Variants in CNTN4 observed in about 807,000 individuals in gnomAD.
The protein encoded by CNTN4 is contactin 4, also known as contactin-4.
Under a neutral mutation model 122.5 loss-of-function variants are expected in CNTN4, and 77 were observed. The observed-to-expected ratio is 0.63, with a 90% CI of 0.52 to 0.76. The LOEUF is 0.76. Among genes scored for constraint, CNTN4 ranks in the 30% least tolerant of loss-of-function variants. CNTN4 has a pLI of 0.00. For synonymous variants in CNTN4, 512 were observed against 447.0 expected, an observed-to-expected ratio of 1.15 and a Z score of -1.83; for missense variants, 1,256 against 1,259.1, an observed-to-expected ratio of 1.00 and a Z score of 0.04.
chr3:2,437,767 A>G (rs1393506340), intron 3 of CNTN4, among the ~76,000 whole-genome samples: 2 of 152,208 alleles, frequency 1.3e-5, no homozygotes, highest in Non-Finnish European at 2.9e-5. Flanking sequence ...GTGAAGCGTA[A>G]TCGCCAATAT....
chr3:2,305,097 T>G (rs1353702625), intron 2 of CNTN4, among the ~76,000 whole-genome samples: 1 of 152,148 alleles, frequency 6.6e-6, no homozygotes, highest in East Asian at 1.9e-4. Context: ...ATTCATTTTA[T>G]GCTCAGAGCT....
In CNTN4 at chr3:2,463,207, T is replaced by A. The variant is rs116276524; in HGVS notation, c.-88-108209T>A. Reference sequence around the variant, plus strand: ...GCTGTTATCTACTAAATGGGCTTTTTAAAAAAAAAAAACACTTGACTTTAA... The same window carrying A: ...GCTGTTATCTACTAAATGGGCTTTTAAAAAAAAAAAAACACTTGACTTTAA... On this transcript the variant is annotated intron_variant, in intron 3 of 24. Coordinates refer to ENST00000418658, the MANE Select transcript of CNTN4 (RefSeq NM_175607.3). Among the ~76,000 whole-genome samples, 155 of 145,700 alleles carry A rather than the reference T, an allele frequency of 1.1e-3. 1 individual carries two copies. Among genetic ancestry groups the A allele is most frequent in the African/African-American group, 3.4e-3 (135 of 39,852 alleles).
chr3:2,898,824 T>C (rs1203620805), intron 10 of CNTN4, among the ~76,000 whole-genome samples: 2 of 152,176 alleles, frequency 1.3e-5, no homozygotes, highest in African/African-American at 4.8e-5. Context: ...ATGGACTCTG[T>C]AGGGGTCAAT....
At chr3:2,212,650 G>A (rs1003765046) in intron 2 of CNTN4, among the ~76,000 whole-genome samples, 1 of 152,170 alleles carries the variant, frequency 6.6e-6, no homozygotes, top group Non-Finnish European at 1.5e-5. Context: ...GATTTGGATA[G>A]GGACACAGCC....
chr3:2,774,248 G>A (rs999733713), intron 6 of CNTN4, among the ~76,000 whole-genome samples: 7 of 151,846 alleles, frequency 4.6e-5, no homozygotes, highest in South Asian at 4.2e-4. Context: ...GTGACAGAGC[G>A]AGACTCCATC....
chr3:2,121,199 T>C (rs2125208192), intron 2 of CNTN4, among the ~76,000 whole-genome samples: 1 of 152,052 alleles, frequency 6.6e-6, no homozygotes, highest in South Asian at 2.1e-4. Flanking sequence ...CAGCACTGGA[T>C]ATGGTGAATA....
intron 2 of CNTN4, among the ~76,000 whole-genome samples, chr3:2,257,412 A>C (rs987220191): frequency 2.0e-5 from 3 of 152,154 alleles, no homozygotes; most frequent in East Asian, 1.9e-4. Flanking sequence ...CCAAAAGCAA[A>C]GGCAACAAAA....
chr3:2,719,459 T>G (rs1178108170), intron 4 of CNTN4, among the ~76,000 whole-genome samples: 1 of 152,178 alleles, frequency 6.6e-6, no homozygotes, highest in African/African-American at 2.4e-5. Flanking sequence ...CATGCCCAGC[T>G]GATTTTTTAG....
At chr3:2,135,792 C>G (rs138496959) in intron 2 of CNTN4, among the ~76,000 whole-genome samples, 4 of 152,110 alleles carry the variant, frequency 2.6e-5, no homozygotes, top group Non-Finnish European at 5.9e-5. Context: ...AATGGGGTTA[C>G]CATAAGTATG....
At chr3:3,008,494 G>A (rs1471709091) in intron 14 of CNTN4, among the ~76,000 whole-genome samples, 1 of 152,246 alleles carries the variant, frequency 6.6e-6, no homozygotes, top group Non-Finnish European at 1.5e-5. Context: ...TGATGGGGAA[G>A]AGTAAAATAT....
chr3:2,905,711 A>G (rs776990434), intron 12 of CNTN4, among the ~76,000 whole-genome samples: 7 of 152,248 alleles, frequency 4.6e-5, no homozygotes, highest in Non-Finnish European at 8.8e-5. Context: ...TCATCAAATT[A>G]TTTAGGCCAA....
intron 8 of CNTN4, among the ~76,000 whole-genome samples, chr3:2,881,515 GA>G (rs1245876383): frequency 0.23 from 24,877 of 107,670 alleles, 2,976 homozygotes; most frequent in Non-Finnish European, 0.28. Flanking sequence ...TCAGTCTCAA[GA>G]AAAAAAAAAA....
At chr3:2,109,269 G>T (rs182562671) in intron 2 of CNTN4, among the ~76,000 whole-genome samples, 1 of 152,004 alleles carries the variant, frequency 6.6e-6, no homozygotes, top group Non-Finnish European at 1.5e-5. Context: ...TAAAAGTGGC[G>T]CATTTGGGGG....
chr3:2,427,562 G>C (rs1365084766), intron 3 of CNTN4, among the ~76,000 whole-genome samples: 1 of 152,200 alleles, frequency 6.6e-6, no homozygotes, highest in African/African-American at 2.4e-5. Context: ...ATTTGGGGTG[G>C]AGAGTTCTGT....
intron 14 of CNTN4, among the ~76,000 whole-genome samples, chr3:2,994,490 C>T (rs896204651): frequency 6.6e-6 from 1 of 151,646 alleles, no homozygotes; most frequent in African/African-American, 2.4e-5. Context: ...CGAAAAGGTT[C>T]CTGTGGTTTA....
At chr3:2,540,425 G>C (rs1445536966) in intron 3 of CNTN4, among the ~76,000 whole-genome samples, 1 of 152,044 alleles carries the variant, frequency 6.6e-6, no homozygotes, top group Admixed American at 6.6e-5. Context: ...CCGACTGAGA[G>C]AGTGGAGGCA....
rs141586453 is a variant in CNTN4, at chr3:2,521,057, G to A, written c.-88-50359G>A. Among the ~76,000 whole-genome samples the A allele has an allele frequency of 2.5e-3, 385 of 152,134 alleles. 1 individual carries two copies. Among genetic ancestry groups the A allele is most frequent in the African/African-American group, 8.7e-3 (362 of 41,536 alleles). On this transcript the variant is annotated intron_variant, in intron 3 of 24. Transcript: ENST00000418658. ...CCAAGCCACCCTTTGGATCTGAGGC[G>A]CCTTGTCCCTATTTTCACTACTTCT...
rs554765838 is a variant in CNTN4, at chr3:2,371,041, T to C, written c.-89+31808T>C. Among the ~76,000 whole-genome samples the C allele has an allele frequency of 5.3e-5, 8 of 152,310 alleles. No homozygotes were observed. The South Asian group carries it at 1.2e-3, about 24-fold the overall frequency. On this transcript the variant is annotated intron_variant, in intron 3 of 24. Coordinates refer to ENST00000418658, the MANE Select transcript of CNTN4 (RefSeq NM_175607.3). ...GTGAGAATTACAATGTGAAGGTCTT[T>C]ACTTGTTTTGGGCTATAATTTGAGA...
chr3:2,340,099 T>C (rs1053833577), intron 3 of CNTN4, among the ~76,000 whole-genome samples: 1 of 151,004 alleles, frequency 6.6e-6, no homozygotes, highest in Non-Finnish European at 1.5e-5. Context: ...TGATCACATC[T>C]TAACTTGATT....
Sources: allele counts gnomAD v4.1 joint callset (sites outside exome capture counted in the v4.1 genomes callset), GRCh38; gene constraint gnomAD v4.1.1; transcripts MANE v1.5; gene names NCBI Gene and HGNC (gene_info 2026-07-23, HGNC 2026-07-21).